ARHGAP10: variants seen among roughly 807,000 people sequenced by gnomAD.
ARHGAP10 encodes the protein rho GTPase-activating protein 10.
In ARHGAP10, 87 loss-of-function variants were observed where a neutral mutation model predicts 108.6. The ratio of observed to expected loss-of-function variants is 0.80; its 90% CI spans 0.67 to 0.96. The LOEUF (loss-of-function observed/expected upper bound fraction) is 0.96. Ranked by LOEUF, ARHGAP10 falls within the 40% of genes least tolerant of loss-of-function variation. ARHGAP10 has a pLI of 0.00. For missense variants in ARHGAP10, 939 were observed against 954.5 expected (o/e 0.98, Z 0.21); for synonymous variants, 347 against 341.1 (o/e 1.02, Z -0.19).
intron 18 of ARHGAP10, 156 bp from the exon 19 acceptor site, chr4:148,023,107 G>T: frequency 1.5e-6 from 1 of 675,056 alleles, no homozygotes; most frequent in Non-Finnish European, 2.3e-6. Context: ...AAAATAAAAG[G>T]CTATGACCTC....
intron 7 of ARHGAP10, among the ~76,000 whole-genome samples, chr4:147,872,963 A>G (rs547800842): frequency 6.7e-6 from 1 of 150,258 alleles, no homozygotes; most frequent in East Asian, 2.0e-4. Context: ...CTGTGCCCAG[A>G]TCTTGTCGCA....
At chr4:147,806,005 C>T (rs1009457356) in intron 1 of ARHGAP10, among the ~76,000 whole-genome samples, 1 of 152,118 alleles carries the variant, frequency 6.6e-6, no homozygotes, top group Non-Finnish European at 1.5e-5. Flanking sequence ...ATATTTTCCA[C>T]CCAATGAGCC....
At chr4:147,848,802 C>G (rs927248497) in intron 4 of ARHGAP10, among the ~76,000 whole-genome samples, 2 of 152,142 alleles carry the variant, frequency 1.3e-5, no homozygotes, top group South Asian at 2.1e-4. Context: ...CATTTTCCCC[C>G]CTAAACTTTC....
At chr4:147,917,389 C>T (rs2126927960) in intron 13 of ARHGAP10, 1 of 152,336 alleles carries the variant, frequency 6.6e-6, no homozygotes, top group South Asian at 2.1e-4. Flanking sequence ...CTGTCATAGC[C>T]ACTTGTCTCC....
rs554679919 is a variant in ARHGAP10 at position 147,854,001 on chromosome 4, A to G, written c.385-3552A>G. Among the ~76,000 whole-genome samples the G allele has an allele frequency of 2.6e-3, 397 of 152,206 alleles. 6 individuals carry two copies. Among genetic ancestry groups the G allele is most frequent in the Middle Eastern group, 0.021 (6 of 292 alleles). ...GTGATGTGTAATGACAAATTTATAT[A>G]GTTTTTGACCTCTAATGGTATTCAG... On this transcript the variant is annotated intron_variant, in intron 4 of 22. Coordinates refer to ENST00000336498, the MANE Select transcript of ARHGAP10 (RefSeq NM_024605.4).
chr4:147,781,911 G>T (rs1399408788), intron 1 of ARHGAP10, among the ~76,000 whole-genome samples: 2 of 151,940 alleles, frequency 1.3e-5, no homozygotes, highest in Admixed American at 1.3e-4. Context: ...TAAACTCTAG[G>T]TATCTATTTT....
chr4:147,803,693 CTG>C, intron 1 of ARHGAP10, among the ~76,000 whole-genome samples: 1 of 152,352 alleles, frequency 6.6e-6, no homozygotes, highest in Middle Eastern at 3.4e-3. Flanking sequence ...ACTTGTCTTT[CTG>C]TGTGTGGCTT....
At chr4:147,854,473 C>G (rs1392831843) in intron 4 of ARHGAP10, among the ~76,000 whole-genome samples, 1 of 152,174 alleles carries the variant, frequency 6.6e-6, no homozygotes, top group Non-Finnish European at 1.5e-5. Flanking sequence ...CTGCCTGGCC[C>G]AGACTCATTT....
chr4:147,836,506 C>T (rs1241169525), intron 3 of ARHGAP10, among the ~76,000 whole-genome samples: 4 of 152,116 alleles, frequency 2.6e-5, no homozygotes, highest in Non-Finnish European at 4.4e-5. Flanking sequence ...TTATGTGAGT[C>T]GTCTTTGGTC....
In ARHGAP10 at chr4:147,732,298, C is replaced by G. The variant is rs778506235; in HGVS notation, c.-4C>G. On this transcript the variant is annotated 5_prime_UTR_variant, in exon 1 of 23. Coordinates refer to ENST00000336498, the MANE Select transcript of ARHGAP10 (RefSeq NM_024605.4). ...GTGCGCACCGCGCAGCGACCGCTGC[C>G]GTCATGGGGCTGCAGCCCCTGGAGT... The G allele has an allele frequency of 3.1e-6, 5 of 1,607,062 alleles. No individual in the cohort carries two copies. Among genetic ancestry groups the G allele is most frequent in the Non-Finnish European group, 4.2e-6 (5 of 1,177,366 alleles).
chr4:147,803,361 A>G (rs1463473241), intron 1 of ARHGAP10, among the ~76,000 whole-genome samples: 2 of 152,190 alleles, frequency 1.3e-5, no homozygotes, highest in Non-Finnish European at 2.9e-5. Flanking sequence ...TATGGGATAC[A>G]TGTGATATTT....
intron 14 of ARHGAP10, among the ~76,000 whole-genome samples, chr4:147,940,596 A>G (rs575671125): frequency 6.6e-6 from 1 of 152,340 alleles, no homozygotes; most frequent in East Asian, 1.9e-4. Context: ...TCATCAGGCT[A>G]GAGGGCCTGT....
At chr4:147,745,285 A>C (rs1355658452) in intron 1 of ARHGAP10, 4 of 152,254 alleles carry the variant, frequency 2.6e-5, no homozygotes, top group Non-Finnish European at 5.9e-5. Flanking sequence ...GGGTACGGAT[A>C]GCTCTCCTAA....
chr4:147,870,070 G>T (rs911215940), intron 7 of ARHGAP10, among the ~76,000 whole-genome samples: 1 of 147,662 alleles, frequency 6.8e-6, no homozygotes, highest in Admixed American at 6.8e-5. Context: ...TGTTTGAGAG[G>T]GAGTCTCGCC....
chr4:147,902,150 T>G (rs1044109301), intron 10 of ARHGAP10, among the ~76,000 whole-genome samples: 2 of 152,244 alleles, frequency 1.3e-5, no homozygotes, highest in African/African-American at 4.8e-5. Context: ...GTAGAAGCAC[T>G]TCTGGAATAT....
chr4:147,754,832 G>A (rs1005941723), intron 1 of ARHGAP10, among the ~76,000 whole-genome samples: 2 of 152,124 alleles, frequency 1.3e-5, no homozygotes, highest in South Asian at 2.1e-4. Flanking sequence ...GGTAGCTCAC[G>A]TCTGTAATCC....
At chr4:147,911,867 A>T (rs1398104144) in intron 12 of ARHGAP10, among the ~76,000 whole-genome samples, 2 of 151,898 alleles carry the variant, frequency 1.3e-5, no homozygotes, top group African/African-American at 4.8e-5. Context: ...GGTGTAAAAT[A>T]TCAAAATTTT....
chr4:147,828,710 C>T (rs1334761166), intron 3 of ARHGAP10, among the ~76,000 whole-genome samples: 1 of 152,066 alleles, frequency 6.6e-6, no homozygotes, highest in Non-Finnish European at 1.5e-5. Flanking sequence ...TTTGCATAGC[C>T]CCTTCCTTTC....
chr4:147,853,351 C>G (rs1250511826), intron 4 of ARHGAP10, among the ~76,000 whole-genome samples: 2 of 152,210 alleles, frequency 1.3e-5, no homozygotes, highest in East Asian at 1.9e-4. Context: ...ATTCAAGGAC[C>G]TGCCATATTT....
Sources: allele counts gnomAD v4.1 joint callset (sites outside exome capture counted in the v4.1 genomes callset), GRCh38; gene constraint gnomAD v4.1.1; transcripts MANE v1.5; gene names NCBI Gene and HGNC (gene_info 2026-07-23, HGNC 2026-07-21).